DKK2: variants seen among roughly 807,000 people sequenced by gnomAD.
DKK2 encodes the protein dickkopf Wnt signaling pathway inhibitor 2, also known as dickkopf-related protein 2.
A neutral mutation model predicts 28.1 loss-of-function variants in DKK2; 11 were observed. The observed-to-expected ratio is 0.39, with a 90% confidence interval of 0.25 to 0.65. The LOEUF is 0.65. Among genes scored for constraint, DKK2 ranks in the 30% least tolerant of loss-of-function variants. The pLI is 0.47. For synonymous variants in DKK2, 135 were observed against 126.5 expected, an observed-to-expected ratio of 1.07 and a Z score of -0.45; for missense variants, 326 against 335.5, an observed-to-expected ratio of 0.97 and a Z score of 0.22.
At chr4:106,975,454 C>T (rs4956273) in intron 1 of DKK2, among the ~76,000 whole-genome samples, 25,467 of 151,974 alleles carry the variant, frequency 0.17, 2,590 homozygotes, top group East Asian at 0.42. Context: ...TTCGACTCTT[C>T]CTGGTTTAGT....
At chr4:106,929,177 A>G (rs893564884) in intron 1 of DKK2, among the ~76,000 whole-genome samples, 2 of 152,220 alleles carry the variant, frequency 1.3e-5, no homozygotes, top group Admixed American at 1.3e-4. Flanking sequence ...AACGAAATCA[A>G]TAATATGCTT....
At chr4:106,949,113 A>G (rs1724821481) in intron 1 of DKK2, among the ~76,000 whole-genome samples, 1 of 152,304 alleles carries the variant, frequency 6.6e-6, no homozygotes, top group South Asian at 2.1e-4. Context: ...TCTGCCTACC[A>G]GATCTGTGTG....
intron 1 of DKK2, among the ~76,000 whole-genome samples, chr4:106,956,510 G>A (rs1287790920): frequency 6.6e-6 from 1 of 152,118 alleles, no homozygotes; most frequent in Non-Finnish European, 1.5e-5. Context: ...TATACTACAA[G>A]GCTACAGTAA....
In DKK2 at chr4:106,923,106, TGTAA is replaced by T. The variant is rs1485759184; in HGVS notation, c.*844_*847del. 5 of 152,300 alleles carry T rather than the reference TGTAA, an allele frequency of 3.3e-5. No homozygotes were observed. Among genetic ancestry groups the T allele is most frequent in the Admixed American group, 3.3e-4 (5 of 15,282 alleles). 9.4% of individuals were successfully genotyped at this position (152,300 alleles called of 1,614,324 possible). A position where few individuals can be genotyped will look rare whatever the true frequency, so the allele number is the denominator to read the frequency against. On this transcript the variant is annotated 3_prime_UTR_variant, in exon 4 of 4. Coordinates refer to ENST00000285311, the MANE Select transcript of DKK2 (RefSeq NM_014421.3). ...TGCCATCTGTGAAAATTCTGCTCTGTGTAAGTATTTTACTAGTCACAATTTATGG... is the reference window on the plus strand; with the variant it reads ...TGCCATCTGTGAAAATTCTGCTCTGTGTATTTTACTAGTCACAATTTATGG...
In DKK2 at chr4:106,925,966, C is replaced by T. The variant is rs375085361; in HGVS notation, c.223-17G>A. 3.8e-6 allele frequency: 6 copies of T among 1,590,850 alleles called. No homozygotes were observed. The highest frequency in any genetic ancestry group is 5.1e-6 in the Non-Finnish European group (6 of 1,171,798). On this transcript the variant is annotated splice_polypyrimidine_tract_variant and intron_variant, in intron 1 of 3. Coordinates refer to ENST00000285311, the MANE Select transcript of DKK2 (RefSeq NM_014421.3). ...AGGGTAGGCCTGTCATCAAGTGGAA[C>T]AACACCAGAAGTAAAGGATTAGATC...
intron 1 of DKK2, among the ~76,000 whole-genome samples, chr4:106,988,565 A>C (rs1723158765): frequency 6.6e-6 from 1 of 152,148 alleles, no homozygotes; most frequent in Non-Finnish European, 1.5e-5. Flanking sequence ...CACAATTCCA[A>C]ATTAACGTGA....
intron 1 of DKK2, among the ~76,000 whole-genome samples, chr4:107,034,698 C>G (rs569081294): frequency 2.2e-4 from 34 of 152,238 alleles, no homozygotes; most frequent in Non-Finnish European, 1.0e-4. Flanking sequence ...AAATGCGCGT[C>G]TACTGGAGTT....
At chr4:106,991,775 A>T (rs1578370628) in intron 1 of DKK2, among the ~76,000 whole-genome samples, 1 of 152,088 alleles carries the variant, frequency 6.6e-6, no homozygotes, top group East Asian at 1.9e-4. Context: ...ACTTTTAATT[A>T]TCTCTATTTT....
At chr4:106,949,166 A>T (rs1270248531) in intron 1 of DKK2, among the ~76,000 whole-genome samples, 3 of 152,176 alleles carry the variant, frequency 2.0e-5, no homozygotes, top group African/African-American at 7.2e-5. Flanking sequence ...AAGGTGGAGC[A>T]TTGCAGGAGA....
At chr4:106,942,247 G>C (rs1156830393) in intron 1 of DKK2, among the ~76,000 whole-genome samples, 1 of 152,004 alleles carries the variant, frequency 6.6e-6, no homozygotes, top group Non-Finnish European at 1.5e-5. Flanking sequence ...TGAAGATGTT[G>C]GTCCCCCACA....
chr4:107,029,067 G>T (rs1054332241), intron 1 of DKK2, among the ~76,000 whole-genome samples: 3 of 152,170 alleles, frequency 2.0e-5, no homozygotes, highest in African/African-American at 7.2e-5. Context: ...TATTGCTATG[G>T]TGCCTGCCTT....
chr4:106,941,029 A>C (rs1415730014), intron 1 of DKK2, among the ~76,000 whole-genome samples: 2 of 152,122 alleles, frequency 1.3e-5, no homozygotes, highest in East Asian at 3.9e-4. Context: ...TAGTGGGGGC[A>C]GCGCACCAGC....
chr4:106,983,006 AAG>A (rs1405764853), intron 1 of DKK2, among the ~76,000 whole-genome samples: 1 of 151,184 alleles, frequency 6.6e-6, no homozygotes, highest in Non-Finnish European at 1.5e-5. Context: ...AGAAAAGAAA[AAG>A]AGAGAAAGGA....
At chr4:106,971,130 T>A (rs1722862489) in intron 1 of DKK2, among the ~76,000 whole-genome samples, 2 of 152,106 alleles carry the variant, frequency 1.3e-5, no homozygotes, top group Admixed American at 1.3e-4. Context: ...GGTAAACATA[T>A]AGACAATGTA....
chr4:106,962,978 T>G (rs1258820109), intron 1 of DKK2, among the ~76,000 whole-genome samples: 1 of 152,044 alleles, frequency 6.6e-6, no homozygotes, highest in African/African-American at 2.4e-5. Flanking sequence ...GGGAATCGCT[T>G]GAAACTGGGA....
At chr4:107,028,975 A>G (rs952352729) in intron 1 of DKK2, among the ~76,000 whole-genome samples, 3 of 152,196 alleles carry the variant, frequency 2.0e-5, no homozygotes, top group African/African-American at 4.8e-5. Flanking sequence ...ACTATAATTT[A>G]TACTTTAATG....
At chr4:106,939,904 A>G (rs1230588025) in intron 1 of DKK2, among the ~76,000 whole-genome samples, 1 of 152,230 alleles carries the variant, frequency 6.6e-6, no homozygotes, top group Non-Finnish European at 1.5e-5. Context: ...CTGGCTAGCC[A>G]TATGTAGAAA....
chr4:106,987,793 A>T (rs1180242432), intron 1 of DKK2, among the ~76,000 whole-genome samples: 5 of 151,722 alleles, frequency 3.3e-5, no homozygotes, highest in Admixed American at 6.6e-5. Context: ...AAATTTCTTT[A>T]AAAAAAATAG....
At position 106,927,975 on chromosome 4, in the gene DKK2, T is replaced by A. The variant is rs1237922078; in HGVS notation, c.223-2026A>T. Among the ~76,000 whole-genome samples, 3 of 152,278 alleles carry A rather than the reference T, an allele frequency of 2.0e-5. No homozygotes were observed. In the East Asian group the frequency reaches 5.8e-4, roughly 29 times the overall value. On this transcript the variant is annotated intron_variant, in intron 1 of 3. Coordinates refer to ENST00000285311, the MANE Select transcript of DKK2 (RefSeq NM_014421.3). Reference sequence around the variant, plus strand: ...TTCTGAGTATAGGATAATCCTGGATTCCATCCCCCCAAAATAGTCCACAGG... The same window carrying A: ...TTCTGAGTATAGGATAATCCTGGATACCATCCCCCCAAAATAGTCCACAGG...
Sources: gnomAD v4.1 joint callset for allele counts (sites outside exome capture counted in the v4.1 genomes callset) on GRCh38, gnomAD v4.1.1 for gene constraint, MANE v1.5 for transcripts, NCBI Gene and HGNC (gene_info 2026-07-23, HGNC 2026-07-21) for gene names.